Variants in STX18 observed in about 807,000 individuals in gnomAD.
The protein encoded by STX18 is syntaxin 18, also known as syntaxin-18.
In STX18, 40 loss-of-function variants were observed where a neutral mutation model predicts 50.1. That is an observed-to-expected ratio of 0.80 (90% confidence interval 0.62 to 1.04). The LOEUF is 1.04. STX18 is among the 50% of genes least tolerant of loss of function. The pLI is 0.00. For synonymous variants in STX18, 158 were observed against 151.8 expected, an observed-to-expected ratio of 1.04 and a Z score of -0.30; for missense variants, 410 against 415.8, an observed-to-expected ratio of 0.99 and a Z score of 0.12.
chr4:4,428,784 G>C (rs1725381529), intron 7 of STX18, among the ~76,000 whole-genome samples: 1 of 152,162 alleles, frequency 6.6e-6, no homozygotes, highest in Non-Finnish European at 1.5e-5. Context: ...CTGAATGAAA[G>C]ACCTGGTCTC....
At chr4:4,444,562 G>A (rs1726287867) in intron 5 of STX18, among the ~76,000 whole-genome samples, 1 of 152,172 alleles carries the variant, frequency 6.6e-6, no homozygotes, top group African/African-American at 2.4e-5. Context: ...TATTCCACTG[G>A]GAGAGGACAG....
chr4:4,476,647 T>C (rs1014574536), intron 1 of STX18, among the ~76,000 whole-genome samples: 1 of 152,254 alleles, frequency 6.6e-6, no homozygotes, highest in African/African-American at 2.4e-5. Flanking sequence ...GGTGTAATAA[T>C]GATATTATGT....
chr4:4,432,033 A>G (rs534098562), intron 7 of STX18, among the ~76,000 whole-genome samples: 15 of 152,374 alleles, frequency 9.8e-5, no homozygotes, highest in African/African-American at 3.6e-4. Context: ...AGAAGCTGGA[A>G]AGGAAGGCAA....
chr4:4,484,055 G>T (rs568850109), intron 1 of STX18, among the ~76,000 whole-genome samples: 12 of 152,008 alleles, frequency 7.9e-5, no homozygotes, highest in Non-Finnish European at 1.6e-4. Flanking sequence ...GTAGAGATGG[G>T]GTTTCACCAT....
At chr4:4,479,678 C>T (rs532631983) in intron 1 of STX18, among the ~76,000 whole-genome samples, 77 of 152,328 alleles carry the variant, frequency 5.1e-4, no homozygotes, top group Non-Finnish European at 9.7e-4. Context: ...TTTAATGACG[C>T]TAATTTCCTA....
At chr4:4,538,403 T>C (rs1731439442) in intron 1 of STX18, among the ~76,000 whole-genome samples, 1 of 152,164 alleles carries the variant, frequency 6.6e-6, no homozygotes. Context: ...ATGCAGACAG[T>C]ACTTCTGCAC....
At chr4:4,445,901 G>T (rs1386902871) in intron 5 of STX18, among the ~76,000 whole-genome samples, 1 of 152,108 alleles carries the variant, frequency 6.6e-6, no homozygotes, top group African/African-American at 2.4e-5. Context: ...TTAGAAATTT[G>T]AAGGATTTAC....
At chr4:4,488,258 C>G (rs78093215) in intron 1 of STX18, among the ~76,000 whole-genome samples, 1,854 of 152,072 alleles carry the variant, frequency 0.012, 46 homozygotes, top group African/African-American at 0.042. Flanking sequence ...AACATAAGCA[C>G]TCAAAAACAC....
Position 4,533,894 on chromosome 4 carries a change from A to T in STX18, c.168+7903T>A, listed in dbSNP as rs573634289. On this transcript the variant is annotated intron_variant, in intron 1 of 10. Transcript: ENST00000306200. Reference sequence around the variant, plus strand: ...AATGAATCAACTATCCCTGAGAATCATGCTTCTACAACATGTGATATAATC... The same window carrying T: ...AATGAATCAACTATCCCTGAGAATCTTGCTTCTACAACATGTGATATAATC... 1.1e-4 allele frequency among the ~76,000 whole-genome samples: 17 copies of T among 152,352 alleles called. No homozygotes were observed. The South Asian group carries it at 2.9e-3, about 26-fold the overall frequency.
At chr4:4,537,036 C>T (rs1176518342) in intron 1 of STX18, among the ~76,000 whole-genome samples, 1 of 152,250 alleles carries the variant, frequency 6.6e-6, no homozygotes, top group African/African-American at 2.4e-5. Context: ...TCCTGCTTTC[C>T]TGTGCGGTGC....
intron 1 of STX18, 114 bp from the exon 2 acceptor site, chr4:4,471,820 CTG>C (rs1727935150): frequency 1.3e-6 from 1 of 760,594 alleles, no homozygotes; most frequent in African/African-American, 1.8e-5. Flanking sequence ...AAGCTACAAA[CTG>C]AGCACCGTCG....
intron 6 of STX18, among the ~76,000 whole-genome samples, chr4:4,436,211 C>T (rs1725766732): frequency 6.6e-6 from 1 of 152,102 alleles, no homozygotes; most frequent in African/African-American, 2.4e-5. Flanking sequence ...AGAAATATAT[C>T]TTTACAAAAA....
chr4:4,514,525 C>T (rs6446655), intron 1 of STX18, among the ~76,000 whole-genome samples: 23,201 of 152,120 alleles, frequency 0.15, 1,848 homozygotes, highest in Non-Finnish European at 0.18. Flanking sequence ...ACTAAGATTC[C>T]GAATGGATGA....
intron 2 of STX18, 21 bp downstream of exon 2, chr4:4,471,618 G>A: frequency 1.2e-5 from 18 of 1,497,378 alleles, no homozygotes; most frequent in Non-Finnish European, 1.6e-5. Context: ...CCAAAGTCCT[G>A]GTAAAAAAAT....
chr4:4,460,497 TA>T (rs1156351388), intron 2 of STX18, among the ~76,000 whole-genome samples: 1 of 151,808 alleles, frequency 6.6e-6, no homozygotes, highest in African/African-American at 2.4e-5. Context: ...CAGGCCCTTC[TA>T]AAAAAGAAAG....
At chr4:4,522,966 G>A (rs780042492) in intron 1 of STX18, among the ~76,000 whole-genome samples, 3 of 152,230 alleles carry the variant, frequency 2.0e-5, no homozygotes, top group Admixed American at 6.5e-5. Context: ...ACTGGCGTAT[G>A]TGTTTATCAA....
rs967023391 is a variant in STX18, at chr4:4,527,753, GAAGA to G, written c.168+14040_168+14043del. Among the ~76,000 whole-genome samples the G allele has an allele frequency of 1.7e-4, 18 of 109,046 alleles. 1 individual carries two copies. The highest frequency in any genetic ancestry group is 5.6e-4 in the African/African-American group (18 of 32,290). 71.5% of individuals were successfully genotyped at this position (109,046 alleles called of 152,430 possible). A position where few individuals can be genotyped will look rare whatever the true frequency, so the allele number is the denominator to read the frequency against. On this transcript the variant is annotated intron_variant, in intron 1 of 10. Transcript: ENST00000306200. ...TTCCCACTGTAATGCTGAGCCTAAG[GAAGA>G]AAGATAGAGAAAAAAATTATATATA...
At chr4:4,459,274 A>G in intron 3 of STX18, 98 bp downstream of exon 3, 1 of 843,788 alleles carries the variant, frequency 1.2e-6, no homozygotes, top group East Asian at 2.4e-5. Flanking sequence ...CTAAATCGAA[A>G]TAAGAAGAGG....
At chr4:4,537,897 G>A (rs1319601362) in intron 1 of STX18, among the ~76,000 whole-genome samples, 1 of 152,164 alleles carries the variant, frequency 6.6e-6, no homozygotes, top group African/African-American at 2.4e-5. Context: ...CTGCCATTCA[G>A]AAACCAAACA....
Sources: allele counts gnomAD v4.1 joint callset (sites outside exome capture counted in the v4.1 genomes callset), GRCh38; gene constraint gnomAD v4.1.1; transcripts MANE v1.5; gene names NCBI Gene and HGNC (gene_info 2026-07-23, HGNC 2026-07-21).